TRIM67: variants seen among roughly 807,000 people sequenced by gnomAD.
TRIM67 encodes the protein tripartite motif containing 67.
In TRIM67, 39 loss-of-function variants were observed where a neutral mutation model predicts 71.0. The ratio of observed to expected loss-of-function variants is 0.55; its 90% CI spans 0.43 to 0.72. The LOEUF (loss-of-function observed/expected upper bound fraction) is 0.72. Ranked by LOEUF, TRIM67 falls within the 30% of genes least tolerant of loss-of-function variation. TRIM67 has a pLI of 0.00. For synonymous variants in TRIM67, 481 were observed against 473.9 expected, an observed-to-expected ratio of 1.01 and a Z score of -0.19; for missense variants, 973 against 1,079.2, an observed-to-expected ratio of 0.90 and a Z score of 1.38.
Position 231,219,452 on chromosome 1 carries a change from CTGCCAGCCTTTATCTTGA to C in TRIM67, c.*4014_*4031del, listed in dbSNP as rs1343567789. 2 of 1,042,898 alleles carry C rather than the reference CTGCCAGCCTTTATCTTGA, an allele frequency of 1.9e-6. No homozygotes were observed. The highest frequency in any genetic ancestry group is 3.4e-5 in the African/African-American group (2 of 58,168). 64.6% of individuals were successfully genotyped at this position (1,042,898 alleles called of 1,614,324 possible). A position where few individuals can be genotyped will look rare whatever the true frequency, so the allele number is the denominator to read the frequency against. On this transcript the variant is annotated 3_prime_UTR_variant, in exon 10 of 10. Coordinates refer to ENST00000366653, the MANE Select transcript of TRIM67 (RefSeq NM_001004342.5). Reference sequence around the variant, plus strand: ...CATAGAAAGCCTGTATGTGACAAAGCTGCCAGCCTTTATCTTGATACCCAAGCCCAGGATTTTCCATGT... The same window carrying C: ...CATAGAAAGCCTGTATGTGACAAAGCTACCCAAGCCCAGGATTTTCCATGT...
rs1246135699 is a variant in TRIM67 at position 231,163,097 on chromosome 1, A to C, written c.128A>C (p.Gln43Pro). 3 of 1,573,932 alleles carry C rather than the reference A, an allele frequency of 1.9e-6. No individual in the cohort carries two copies. In the African/African-American group the frequency reaches 4.1e-5, roughly 22 times the overall value. The change falls in exon 1 of 10, where the codon CAG becomes CCG. Residue 43 changes from glutamine to proline, a missense_variant. By Grantham distance (76) the Gln-to-Pro change is moderately conservative. Transcript: ENST00000366653. ...TIAVQTPDGEQHLPQPLLLSR... is the reference protein window; with the variant it reads ...TIAVQTPDGEPHLPQPLLLSR... Reference sequence around the variant, plus strand: ...GCGGTGCAGACCCCGGACGGTGAGCAGCACCTGCCCCAGCCGCTCCTGCTT... The same window carrying C: ...GCGGTGCAGACCCCGGACGGTGAGCCGCACCTGCCCCAGCCGCTCCTGCTT...
At chr1:231,180,844 C>T (rs1006698573) in intron 1 of TRIM67, among the ~76,000 whole-genome samples, 1 of 152,160 alleles carries the variant, frequency 6.6e-6, no homozygotes, top group Non-Finnish European at 1.5e-5. Context: ...TTTCTGCTGT[C>T]CCTCTGGGAG....
chr1:231,196,922 C>A (rs765869088), intron 1 of TRIM67, among the ~76,000 whole-genome samples: 1 of 152,196 alleles, frequency 6.6e-6, no homozygotes, highest in Non-Finnish European at 1.5e-5. Context: ...GCATACCAGG[C>A]CCCAGGGTTT....
At chr1:231,213,703 C>G in intron 8 of TRIM67, 112 bp from the exon 9 acceptor site, 1 of 1,340,154 alleles carries the variant, frequency 7.5e-7, no homozygotes, top group South Asian at 1.5e-5. Context: ...TGCACTCCAG[C>G]CTGGGTGACA....
At chr1:231,208,249 C>G (rs1051072948) in intron 7 of TRIM67, among the ~76,000 whole-genome samples, 5 of 151,522 alleles carry the variant, frequency 3.3e-5, no homozygotes, top group African/African-American at 1.2e-4. Flanking sequence ...TCATGGCTCA[C>G]TGCAAGCTCT....
At chr1:231,190,166 G>C (rs1683193788) in intron 1 of TRIM67, among the ~76,000 whole-genome samples, 1 of 152,218 alleles carries the variant, frequency 6.6e-6, no homozygotes, top group African/African-American at 2.4e-5. Context: ...TCCTCCCAGA[G>C]AGTTCTCTTC....
At chr1:231,198,799 C>T (rs546654675) in intron 2 of TRIM67, among the ~76,000 whole-genome samples, 109 of 152,332 alleles carry the variant, frequency 7.2e-4, no homozygotes, top group Non-Finnish European at 9.7e-4. Flanking sequence ...TGAGCATTTT[C>T]TCATGGCATT....
Position 231,217,026 on chromosome 1 carries a change from C to G in TRIM67, c.*1586C>G, listed in dbSNP as rs558998583. The G allele has an allele frequency of 9.4e-4, 931 of 985,780 alleles. 2 individuals carry two copies. Among genetic ancestry groups the G allele is most frequent in the Non-Finnish European group, 1.1e-3 (910 of 829,960 alleles). The allele number at this position is 985,780 out of a possible 1,614,324, so 61.1% of individuals were successfully genotyped here. ...ATAAAATTCGCCCATTCACCAGCACCAACTGTGCGTCCTTGGTTCTGCCTT... is the reference window on the plus strand; with the variant it reads ...ATAAAATTCGCCCATTCACCAGCACGAACTGTGCGTCCTTGGTTCTGCCTT... On this transcript the variant is annotated 3_prime_UTR_variant, in exon 10 of 10. Coordinates refer to ENST00000366653, the MANE Select transcript of TRIM67 (RefSeq NM_001004342.5).
In TRIM67 at chr1:231,221,180, CA is replaced by C; in HGVS notation, c.*5745del. 6.6e-6 allele frequency: 1 copy of C among 152,314 alleles called. No individual in the cohort carries two copies. The highest frequency in any genetic ancestry group is 1.5e-5 in the Non-Finnish European group (1 of 68,014). 9.4% of individuals were successfully genotyped at this position (152,314 alleles called of 1,614,324 possible). ...GTTGGCAAAGGGATTTAACAAGAAA[CA>C]AAAAGCTTCGCGTCCTTGTTTTGAC... On this transcript the variant is annotated 3_prime_UTR_variant, in exon 10 of 10. Transcript: ENST00000366653.
chr1:231,190,707 T>G (rs905995202), intron 1 of TRIM67, among the ~76,000 whole-genome samples: 10 of 152,258 alleles, frequency 6.6e-5, no homozygotes, highest in Non-Finnish European at 1.5e-4. Context: ...AAAGTCTCTG[T>G]GGCCTGGATC....
In TRIM67 at chr1:231,210,007, ACACCCCTG is replaced by A. The variant is rs1383092724; in HGVS notation, c.2123+762_2123+769del. 4.6e-3 allele frequency among the ~76,000 whole-genome samples: 705 copies of A among 152,190 alleles called. 5 individuals are homozygous for A. The highest frequency in any genetic ancestry group is 0.016 in the African/African-American group (678 of 41,530). On this transcript the variant is annotated intron_variant, in intron 8 of 9. Transcript: ENST00000366653. Reference sequence around the variant, plus strand: ...ACACAAAGAAGGCAGTGCCCCCCCAACACCCCTGCACCATAGCTCTGTACTCTTTCTCC... The same window carrying A: ...ACACAAAGAAGGCAGTGCCCCCCCAACACCATAGCTCTGTACTCTTTCTCC...
Position 231,173,885 on chromosome 1 carries a change from G to C in TRIM67, c.1044+9872G>C, listed in dbSNP as rs74853144. 5.0e-4 allele frequency among the ~76,000 whole-genome samples: 76 copies of C among 152,288 alleles called. No homozygotes were observed. In the East Asian group the frequency reaches 0.012, roughly 23 times the overall value. ...GCCATAAATATGGGGACTTGAATTAGGAGAGAGGCAGCAGAAATGGAGAGA... is the reference window on the plus strand; with the variant it reads ...GCCATAAATATGGGGACTTGAATTACGAGAGAGGCAGCAGAAATGGAGAGA... On this transcript the variant is annotated intron_variant, in intron 1 of 9. Transcript: ENST00000366653.
Position 231,219,105 on chromosome 1 carries a change from G to A in TRIM67, c.*3665G>A, listed in dbSNP as rs868247663. ...ACCTGCTGGCTTTGAGGTAGTGAGG[G>A]AGGGTCAATCCTTAGGGGGAGTCAA... On this transcript the variant is annotated 3_prime_UTR_variant, in exon 10 of 10. Coordinates refer to ENST00000366653, the MANE Select transcript of TRIM67 (RefSeq NM_001004342.5). 8.1e-6 allele frequency: 8 copies of A among 985,424 alleles called. No individual in the cohort carries two copies. The highest frequency in any genetic ancestry group is 1.1e-4 in the East Asian group (1 of 8,816). The allele number at this position is 985,424 out of a possible 1,614,324, so 61.0% of individuals were successfully genotyped here.
At chr1:231,210,883 T>C (rs1683848867) in intron 8 of TRIM67, among the ~76,000 whole-genome samples, 1 of 150,710 alleles carries the variant, frequency 6.6e-6, no homozygotes. Context: ...CTGTAAATAA[T>C]AGTAATTTTA....
intron 1 of TRIM67, among the ~76,000 whole-genome samples, chr1:231,189,647 G>C (rs1558298417): frequency 6.6e-6 from 1 of 152,142 alleles, no homozygotes; most frequent in Non-Finnish European, 1.5e-5. Context: ...GTGCCTGGCA[G>C]GACGTTTTCT....
chr1:231,196,644 T>A (rs1484235201), intron 1 of TRIM67, among the ~76,000 whole-genome samples: 4 of 151,942 alleles, frequency 2.6e-5, no homozygotes, highest in African/African-American at 9.7e-5. Flanking sequence ...CAATTGTGTG[T>A]GTATGTGGTT....
intron 1 of TRIM67, chr1:231,185,215 A>G: frequency 2.6e-6 from 4 of 1,533,022 alleles, no homozygotes; most frequent in Non-Finnish European, 3.5e-6. Flanking sequence ...CAGGATTCCC[A>G]GAGCCTTTAT....
At chr1:231,197,251 C>A in intron 1 of TRIM67, 120 bp from the exon 2 acceptor site, 1 of 712,822 alleles carries the variant, frequency 1.4e-6, no homozygotes, top group South Asian at 1.8e-5. Context: ...TCAATGAGAA[C>A]AGCAGATGCG....
chr1:231,185,952 A>T, intron 1 of TRIM67: 2 of 746,184 alleles, frequency 2.7e-6, no homozygotes, highest in Non-Finnish European at 4.4e-6. Flanking sequence ...CGGCCGTGAC[A>T]GCCGGGACAA....
Sources: allele counts gnomAD v4.1 joint callset (sites outside exome capture counted in the v4.1 genomes callset), GRCh38; gene constraint gnomAD v4.1.1; transcripts MANE v1.5; gene names NCBI Gene and HGNC (gene_info 2026-07-23, HGNC 2026-07-21).